The following MSI1 variants were observed in gnomAD, a reference collection of about 807,000 sequenced individuals.
MSI1 encodes the protein musashi RNA binding protein 1.
Under a neutral mutation model 54.4 loss-of-function variants are expected in MSI1, and 15 were observed. That is an observed-to-expected ratio of 0.28 (90% CI 0.18 to 0.42). MSI1 has a LOEUF of 0.42. MSI1 is among the 20% of genes least tolerant of loss of function. The pLI is 1.00. For synonymous variants in MSI1, 200 were observed against 196.5 expected (o/e 1.02, Z -0.15); for missense variants, 304 against 506.0 (o/e 0.60, Z 3.83).
chr12:120,357,491 C>T (rs1875234665), intron 8 of MSI1, among the ~76,000 whole-genome samples: 1 of 152,148 alleles, frequency 6.6e-6, no homozygotes, highest in Admixed American at 6.5e-5. Context: ...CCCAACTCAC[C>T]ATGTTTTTGT....
At chr12:120,360,667 T>G (rs1639319625) in intron 6 of MSI1, among the ~76,000 whole-genome samples, 1 of 152,120 alleles carries the variant, frequency 6.6e-6, no homozygotes, top group African/African-American at 2.4e-5. Context: ...TAGCACAGGC[T>G]TTGGGTAGGA....
At chr12:120,348,438 T>A (rs1221658819) in intron 11 of MSI1, among the ~76,000 whole-genome samples, 2 of 152,180 alleles carry the variant, frequency 1.3e-5, no homozygotes, top group Non-Finnish European at 1.5e-5. Context: ...TGCCACCTCC[T>A]CTAAGAAGCT....
chr12:120,353,888 G>A (rs1260219656), intron 9 of MSI1, among the ~76,000 whole-genome samples: 4 of 152,100 alleles, frequency 2.6e-5, no homozygotes, highest in Non-Finnish European at 5.9e-5. Flanking sequence ...TCTTCCCATA[G>A]GTGTCCTCCT....
At chr12:120,367,298 T>G (rs76323076) in intron 4 of MSI1, among the ~76,000 whole-genome samples, 1 of 152,146 alleles carries the variant, frequency 6.6e-6, no homozygotes, top group African/African-American at 2.4e-5. Flanking sequence ...CTGACTTTTC[T>G]ACTTTTCCAT....
chr12:120,362,594 G>A (rs1875744855), intron 6 of MSI1, among the ~76,000 whole-genome samples: 1 of 152,126 alleles, frequency 6.6e-6, no homozygotes, highest in Non-Finnish European at 1.5e-5. Flanking sequence ...CTCCCCACCT[G>A]TGCAAATAGG....
chr12:120,349,176 A>G (rs1874394813), intron 11 of MSI1, among the ~76,000 whole-genome samples: 1 of 148,856 alleles, frequency 6.7e-6, no homozygotes. Context: ...GCTCACTGCG[A>G]CCTCTGCCTC....
downstream of MSI1, among the ~76,000 whole-genome samples, chr12:120,340,984 C>T (rs1285543571): frequency 6.8e-6 from 1 of 147,976 alleles, no homozygotes; most frequent in East Asian, 2.0e-4. Context: ...CTCCAGGGTT[C>T]AAGAGACTTT....
Position 120,367,936 on chromosome 12 carries a change from GGA to G in MSI1, c.267+70_267+71del. On this transcript the variant is annotated intron_variant, in intron 4 of 14. Transcript: ENST00000257552. ...TGGACCCCGTCCAGCTGTCCCCTGG[GGA>G]GAGTCCTGACCCTCTCCTCCGGCAG... The G allele has an allele frequency of 2.1e-6, 3 of 1,455,956 alleles. No homozygotes were observed. In the South Asian group the frequency reaches 3.6e-5, roughly 18 times the overall value. 90.2% of individuals were successfully genotyped at this position (1,455,956 alleles called of 1,614,324 possible).
Position 120,351,228 on chromosome 12 carries a change from C to T in MSI1, c.790+116G>A, listed in dbSNP as rs1225272410. ...GCACAGTCTGCTGTGTCCCCACAGCCGGAGGGCTGGCGGGCAGGAGAAAAG... is the reference window on the plus strand; with the variant it reads ...GCACAGTCTGCTGTGTCCCCACAGCTGGAGGGCTGGCGGGCAGGAGAAAAG... On this transcript the variant is annotated intron_variant, in intron 11 of 14. Coordinates refer to ENST00000257552, the MANE Select transcript of MSI1 (RefSeq NM_002442.4). The T allele has an allele frequency of 6.7e-5, 68 of 1,017,472 alleles. 2 individuals carry two copies. Among genetic ancestry groups the T allele is most frequent in the South Asian group, 6.5e-4 (47 of 72,530 alleles). The allele number at this position is 1,017,472 out of a possible 1,614,324, so 63.0% of individuals were successfully genotyped here.
Position 120,357,909 on chromosome 12 carries a change from G to C in MSI1, c.452-11C>G, listed in dbSNP as rs375973506. 6 of 1,613,954 alleles carry C rather than the reference G, an allele frequency of 3.7e-6. No homozygotes were observed. Among genetic ancestry groups the C allele is most frequent in the Non-Finnish European group, 5.1e-6 (6 of 1,179,880 alleles). On this transcript the variant is annotated splice_polypyrimidine_tract_variant and intron_variant, in intron 7 of 14. Transcript: ENST00000257552. ...TGACAAACCCGAACCCTAGAGGTTG[G>C]ACAAAGGATAAAGGCAAGGTCAGAA... is the stretch of plus-strand genomic sequence containing the variant.
downstream of MSI1, among the ~76,000 whole-genome samples, chr12:120,339,736 G>A (rs936828417): frequency 6.6e-6 from 1 of 151,126 alleles, no homozygotes; most frequent in African/African-American, 2.4e-5. Flanking sequence ...CTTCGAGGGC[G>A]GGAAGTCGGC....
At chr12:120,339,772 T>C (rs924475710), downstream of MSI1, among the ~76,000 whole-genome samples, 2 of 150,688 alleles carry the variant, frequency 1.3e-5, no homozygotes, top group African/African-American at 4.9e-5. Flanking sequence ...TGCAGGCCCT[T>C]GTTAAAGTAA....
intron 10 of MSI1, among the ~76,000 whole-genome samples, chr12:120,352,212 G>T (rs1874673796): frequency 6.6e-6 from 1 of 151,914 alleles, no homozygotes; most frequent in Admixed American, 6.6e-5. Context: ...TCACTATGTT[G>T]CCCAGGCTGA....
chr12:120,346,469 C>CT, intron 12 of MSI1, 147 bp from the exon 13 acceptor site: 2 of 781,034 alleles, frequency 2.6e-6, no homozygotes, highest in Non-Finnish European at 3.9e-6. Context: ...TCCCCATGCC[C>CT]ATCCACCCAG....
intron 9 of MSI1, among the ~76,000 whole-genome samples, chr12:120,353,833 T>C (rs369204215): frequency 5.9e-5 from 9 of 152,234 alleles, no homozygotes; most frequent in East Asian, 3.8e-4. Flanking sequence ...TCTTTCCAGA[T>C]GACTACATGC....
At position 120,368,322 on chromosome 12, in the gene MSI1, C is replaced by A. The variant is rs1001222576; in HGVS notation, c.101-49G>T. ...GACCAGCCCGGGCCCCGCGCCCTTC[C>A]CCCCCCCCCGTCCTTTGCCCCCGGT... is the stretch of plus-strand genomic sequence containing the variant. On this transcript the variant is annotated intron_variant, in intron 2 of 14. Coordinates refer to ENST00000257552, the MANE Select transcript of MSI1 (RefSeq NM_002442.4). This position sits in a 1 kb window ranked among gnomAD's most constrained non-coding sequence, Gnocchi z 6.6. 1.4e-6 allele frequency: 2 copies of A among 1,429,376 alleles called. No homozygotes were observed. The highest frequency in any genetic ancestry group is 2.3e-5 in the African/African-American group (1 of 44,296). 88.5% of individuals were successfully genotyped at this position (1,429,376 alleles called of 1,614,324 possible).
Position 120,351,333 on chromosome 12 carries a change from G to T in MSI1, c.790+11C>A. ...GTGGCCTGAGAGGTATACAAAATCC[G>T]AGCGACTGACCTGTAAGCTCGGGGA... On this transcript the variant is annotated intron_variant, in intron 11 of 14. Coordinates refer to ENST00000257552, the MANE Select transcript of MSI1 (RefSeq NM_002442.4). 1 of 1,611,982 alleles carries T rather than the reference G, an allele frequency of 6.2e-7. No individual in the cohort carries two copies. The highest frequency in any genetic ancestry group is 1.1e-5 in the South Asian group (1 of 90,792).
At chr12:120,339,743 C>T (rs989713614), downstream of MSI1, among the ~76,000 whole-genome samples, 2 of 151,588 alleles carry the variant, frequency 1.3e-5, no homozygotes, top group Admixed American at 6.6e-5. Flanking sequence ...GGCGGGAAGT[C>T]GGCACCGAGA....
intron 9 of MSI1, among the ~76,000 whole-genome samples, chr12:120,356,408 C>A (rs1592938112): frequency 6.6e-6 from 1 of 152,208 alleles, no homozygotes; most frequent in African/African-American, 2.4e-5. Context: ...AATGTAACTT[C>A]TTTTCCCACT....
Sources: allele counts gnomAD v4.1 joint callset (sites outside exome capture counted in the v4.1 genomes callset), GRCh38; gene constraint gnomAD v4.1.1; non-coding constraint Gnocchi (gnomAD v3.1); transcripts MANE v1.5; gene names NCBI Gene and HGNC (gene_info 2026-07-23, HGNC 2026-07-21).